The following SLC25A26 variants were observed in gnomAD, a reference collection of about 807,000 sequenced individuals.
SLC25A26 encodes the protein mitochondrial S-adenosylmethionine carrier protein.
In SLC25A26, 36 loss-of-function variants were observed where a neutral mutation model predicts 37.8. The ratio of observed to expected loss-of-function variants is 0.95; its 90% CI spans 0.73 to 1.26. The LOEUF (loss-of-function observed/expected upper bound fraction) is 1.26. Among genes scored for constraint, SLC25A26 ranks in the 50% most tolerant of loss-of-function variants. The pLI is 0.00. For missense variants in SLC25A26, 390 were observed against 331.1 expected (o/e 1.18, Z -1.38); for synonymous variants, 129 against 122.5 (o/e 1.05, Z -0.35).
intron 5 of SLC25A26, among the ~76,000 whole-genome samples, chr3:66,303,202 T>C (rs919567261): frequency 6.6e-6 from 1 of 152,224 alleles, no homozygotes; most frequent in Non-Finnish European, 1.5e-5. Flanking sequence ...TACTCCACTT[T>C]TCTAAAGCAT....
intron 1 of SLC25A26, among the ~76,000 whole-genome samples, chr3:66,150,648 A>ATATC (rs1559551980): frequency 2.1e-5 from 2 of 94,536 alleles, no homozygotes; most frequent in African/African-American, 8.5e-5. Context: ...ATATATATAT[A>ATATC]TATATATCAT....
chr3:66,280,636 G>A (rs1411368891), intron 5 of SLC25A26, among the ~76,000 whole-genome samples: 1 of 152,140 alleles, frequency 6.6e-6, no homozygotes, highest in Non-Finnish European at 1.5e-5. Context: ...TATGAGTGAG[G>A]AAGTTTGAAA....
intron 5 of SLC25A26, among the ~76,000 whole-genome samples, chr3:66,338,459 T>C (rs544420738): frequency 1.3e-5 from 2 of 152,138 alleles, no homozygotes; most frequent in East Asian, 3.9e-4. Flanking sequence ...TCTCAGTCTT[T>C]TGATTTCTGC....
chr3:66,374,517 T>C (rs1160913287), intron 9 of SLC25A26, among the ~76,000 whole-genome samples: 1 of 152,210 alleles, frequency 6.6e-6, no homozygotes, highest in Non-Finnish European at 1.5e-5. Context: ...ATATTGCAGT[T>C]AGGCCAATTA....
intron 1 of SLC25A26, among the ~76,000 whole-genome samples, chr3:66,145,376 A>G (rs566950645): frequency 1.2e-3 from 178 of 152,308 alleles, no homozygotes; most frequent in Non-Finnish European, 2.0e-3. Flanking sequence ...TTCAAAGGAC[A>G]CCATATCAGG....
upstream of SLC25A26, among the ~76,000 whole-genome samples, chr3:66,216,006 C>T (rs1031846312): frequency 2.0e-5 from 3 of 152,096 alleles, no homozygotes; most frequent in Admixed American, 6.5e-5. Flanking sequence ...AGTATCCTTA[C>T]GTGCTCAGGT....
At chr3:66,309,326 G>A (rs931137937) in intron 5 of SLC25A26, among the ~76,000 whole-genome samples, 3 of 152,166 alleles carry the variant, frequency 2.0e-5, no homozygotes, top group African/African-American at 7.2e-5. Flanking sequence ...TTCTCTGATG[G>A]TAGTTTGTAT....
intron 1 of SLC25A26, among the ~76,000 whole-genome samples, chr3:66,164,829 C>T (rs1267462167): frequency 2.0e-5 from 3 of 152,144 alleles, no homozygotes; most frequent in Admixed American, 6.5e-5. Context: ...GTTCTCTTCA[C>T]AACCCAGTTA....
intron 1 of SLC25A26, among the ~76,000 whole-genome samples, chr3:66,149,484 C>A (rs1388765514): frequency 6.6e-6 from 1 of 152,224 alleles, no homozygotes; most frequent in Non-Finnish European, 1.5e-5. Flanking sequence ...ATATTTCTCA[C>A]AATTGAAACT....
chr3:66,320,462 C>A (rs537803452), intron 5 of SLC25A26, among the ~76,000 whole-genome samples: 3 of 152,280 alleles, frequency 2.0e-5, no homozygotes, highest in South Asian at 2.1e-4. Flanking sequence ...AATAATATTA[C>A]ATGGCATGGA....
intron 1 of SLC25A26, among the ~76,000 whole-genome samples, chr3:66,207,210 A>G (rs1321400961): frequency 6.6e-6 from 1 of 152,136 alleles, no homozygotes; most frequent in Admixed American, 6.5e-5. Context: ...TACGTAAGTC[A>G]TGTCTAGCTG....
chr3:66,166,400 T>G (rs2070425514), intron 1 of SLC25A26, among the ~76,000 whole-genome samples: 1 of 152,232 alleles, frequency 6.6e-6, no homozygotes, highest in Non-Finnish European at 1.5e-5. Context: ...GCATTTCTTT[T>G]TCCTCCTTTA....
intron 5 of SLC25A26, among the ~76,000 whole-genome samples, chr3:66,301,185 A>G (rs886408838): frequency 1.4e-4 from 22 of 152,204 alleles, no homozygotes; most frequent in African/African-American, 5.1e-4. Context: ...ATTCAACTCA[A>G]AATTGCCAGT....
At chr3:66,370,099 G>A (rs1700265269) in intron 8 of SLC25A26, among the ~76,000 whole-genome samples, 1 of 152,180 alleles carries the variant, frequency 6.6e-6, no homozygotes, top group African/African-American at 2.4e-5. Context: ...TATGGAGGTG[G>A]CAGGATCCAA....
intron 1 of SLC25A26, among the ~76,000 whole-genome samples, chr3:66,169,680 C>T (rs1052363821): frequency 3.9e-5 from 6 of 152,154 alleles, no homozygotes; most frequent in African/African-American, 1.4e-4. Context: ...GTATACTAGG[C>T]ACTCGATAAA....
At chr3:66,176,900 G>A (rs1373855474) in intron 1 of SLC25A26, among the ~76,000 whole-genome samples, 2 of 152,182 alleles carry the variant, frequency 1.3e-5, no homozygotes, top group Admixed American at 6.5e-5. Flanking sequence ...AGCATGAAAG[G>A]GTAGAGGGAT....
chr3:66,143,956 A>G (rs1186547039), intron 1 of SLC25A26, among the ~76,000 whole-genome samples: 1 of 152,198 alleles, frequency 6.6e-6, no homozygotes. Context: ...AAGTAGGCAC[A>G]GTGTCCTGAG....
intron 5 of SLC25A26, among the ~76,000 whole-genome samples, chr3:66,267,163 T>C (rs2073786099): frequency 6.6e-6 from 1 of 152,092 alleles, no homozygotes; most frequent in Admixed American, 6.6e-5. Context: ...ATATACAAGA[T>C]GCAGGTGGGG....
rs1169648803 is a variant in SLC25A26, at chr3:66,213,399, C to CAA, written c.-353-7317_-353-7316dup. Among the ~76,000 whole-genome samples, 72 of 28,838 alleles carry CAA rather than the reference C, an allele frequency of 2.5e-3. 8 individuals are homozygous for CAA. Among genetic ancestry groups the CAA allele is most frequent in the African/African-American group, 6.1e-3 (43 of 7,106 alleles). 18.9% of individuals were successfully genotyped at this position (28,838 alleles called of 152,430 possible). ...TGGGAAACAGAGCAAGACTCTGTCT[C>CAA]AAAAAAAAAAAAAAAAAAAAAAAAA... On this transcript the variant is annotated intron_variant, in intron 1 of 10. Transcript: ENST00000676754.
Sources: gnomAD v4.1 joint callset for allele counts (sites outside exome capture counted in the v4.1 genomes callset) on GRCh38, gnomAD v4.1.1 for gene constraint, MANE v1.5 for transcripts, NCBI Gene and HGNC (gene_info 2026-07-23, HGNC 2026-07-21) for gene names.